The following TBL1XR1 variants were observed in gnomAD, a reference collection of about 807,000 sequenced individuals.
TBL1XR1 encodes TBL1X/Y related 1.
Under a neutral mutation model 66.9 loss-of-function variants are expected in TBL1XR1, and 5 were observed. The ratio of observed to expected loss-of-function variants is 0.07; its 90% CI spans 0.04 to 0.16. The LOEUF is 0.16. Among genes scored for constraint, TBL1XR1 ranks in the 10% least tolerant of loss-of-function variants. TBL1XR1 has a pLI of 1.00. For missense variants in TBL1XR1, 238 were observed against 623.2 expected (o/e 0.38, Z 6.58); for synonymous variants, 210 against 206.0 (o/e 1.02, Z -0.17).
chr3:177,135,385 A>ATATG (rs1728874433), intron 1 of TBL1XR1, among the ~76,000 whole-genome samples: 1 of 80,386 alleles, frequency 1.2e-5, no homozygotes, highest in Admixed American at 1.4e-4. Context: ...ATATATATGT[A>ATATG]TGTATTTTTT....
chr3:177,033,665 T>A (rs1560099331), intron 13 of TBL1XR1, among the ~76,000 whole-genome samples: 1 of 152,102 alleles, frequency 6.6e-6, no homozygotes, highest in Non-Finnish European at 1.5e-5. Context: ...AAGATTCCCC[T>A]TAAGGAACCG....
chr3:177,068,720 T>C (rs1190208007), intron 2 of TBL1XR1, among the ~76,000 whole-genome samples: 1 of 152,190 alleles, frequency 6.6e-6, no homozygotes, highest in South Asian at 2.1e-4. Context: ...TCTTTTCTGA[T>C]TCCATTCTTG....
intron 1 of TBL1XR1, among the ~76,000 whole-genome samples, chr3:177,100,280 A>T (rs1337207748): frequency 1.3e-5 from 2 of 152,174 alleles, no homozygotes; most frequent in Non-Finnish European, 2.9e-5. Flanking sequence ...AAGATAGATA[A>T]ATTATTTATT....
chr3:177,031,361 G>A (rs540071796), intron 14 of TBL1XR1, among the ~76,000 whole-genome samples: 1 of 150,748 alleles, frequency 6.6e-6, no homozygotes, highest in African/African-American at 2.4e-5. Flanking sequence ...TTGAGACAGG[G>A]TCTCACTCTG....
At chr3:177,068,018 A>G (rs1719396028) in intron 2 of TBL1XR1, among the ~76,000 whole-genome samples, 1 of 152,242 alleles carries the variant, frequency 6.6e-6, no homozygotes, top group Non-Finnish European at 1.5e-5. Context: ...ACTAGGTCAC[A>G]AAACAGCACT....
intron 2 of TBL1XR1, among the ~76,000 whole-genome samples, chr3:177,088,835 C>T (rs575296189): frequency 2.0e-5 from 3 of 152,288 alleles, no homozygotes; most frequent in South Asian, 2.1e-4. Context: ...ATGGTTCACA[C>T]AATATCATGC....
chr3:177,136,134 G>A (rs1326929407), intron 1 of TBL1XR1: 2 of 151,936 alleles, frequency 1.3e-5, no homozygotes, highest in Non-Finnish European at 2.9e-5. Flanking sequence ...TTTAATACGA[G>A]TGCATCACAT....
chr3:177,109,808 A>C (rs1577194549), intron 1 of TBL1XR1, among the ~76,000 whole-genome samples: 1 of 152,116 alleles, frequency 6.6e-6, no homozygotes. Flanking sequence ...CTGGGTTGCA[A>C]TATTAAAGTA....
At chr3:177,147,530 G>A (rs867746972) in intron 1 of TBL1XR1, among the ~76,000 whole-genome samples, 2 of 152,084 alleles carry the variant, frequency 1.3e-5, no homozygotes, top group Non-Finnish European at 2.9e-5. Flanking sequence ...ACTCTGAAAG[G>A]GTCTTGGGTT....
intron 1 of TBL1XR1, among the ~76,000 whole-genome samples, chr3:177,144,991 C>T (rs1463373807): frequency 6.6e-6 from 1 of 152,196 alleles, no homozygotes; most frequent in Non-Finnish European, 1.5e-5. Flanking sequence ...CTGCAGACTG[C>T]AGTTTGCCAA....
intron 1 of TBL1XR1, among the ~76,000 whole-genome samples, chr3:177,100,029 G>A (rs1723996591): frequency 6.6e-6 from 1 of 152,196 alleles, no homozygotes; most frequent in South Asian, 2.1e-4. Flanking sequence ...CTTGAGCTCA[G>A]GAGTTCGAGA....
intron 2 of TBL1XR1, among the ~76,000 whole-genome samples, chr3:177,077,527 T>C (rs571032130): frequency 1.3e-5 from 2 of 152,358 alleles, no homozygotes; most frequent in South Asian, 2.1e-4. Flanking sequence ...CACGTCTCTC[T>C]TTCTACAGTA....
chr3:177,129,289 G>A (rs1015585293), intron 1 of TBL1XR1, among the ~76,000 whole-genome samples: 9 of 152,074 alleles, frequency 5.9e-5, no homozygotes, highest in Non-Finnish European at 8.8e-5. Context: ...CATGTAACGA[G>A]ATCCAGAAGA....
chr3:177,038,525 A>G (rs1322676708), intron 10 of TBL1XR1, 91 bp from the exon 11 acceptor site: 2 of 1,250,952 alleles, frequency 1.6e-6, no homozygotes, highest in African/African-American at 3.0e-5. Flanking sequence ...CTAATAAAAT[A>G]TACTAACAGG....
At chr3:177,051,455 A>T in intron 5 of TBL1XR1, 49 bp downstream of exon 5, 1 of 1,508,254 alleles carries the variant, frequency 6.6e-7, no homozygotes, top group Non-Finnish European at 8.9e-7. Flanking sequence ...GTTTAAAAAA[A>T]TAAATAAATA....
intron 2 of TBL1XR1, among the ~76,000 whole-genome samples, chr3:177,082,029 G>T (rs893325552): frequency 2.0e-5 from 3 of 152,068 alleles, no homozygotes; most frequent in Non-Finnish European, 4.4e-5. Flanking sequence ...CTATCTGGAA[G>T]GCATGAACAC....
chr3:177,191,248 A>G (rs1736106627), intron 1 of TBL1XR1, among the ~76,000 whole-genome samples: 1 of 152,218 alleles, frequency 6.6e-6, no homozygotes, highest in Non-Finnish European at 1.5e-5. Context: ...GGAACTGACA[A>G]GATGAAACCA....
At chr3:177,065,124 C>A (rs983164380) in intron 2 of TBL1XR1, 102 bp from the exon 3 acceptor site, 2 of 761,832 alleles carry the variant, frequency 2.6e-6, no homozygotes, top group Non-Finnish European at 3.8e-6. Context: ...TGATGTAAAA[C>A]GAAGGTTCTA....
intron 2 of TBL1XR1, among the ~76,000 whole-genome samples, chr3:177,079,070 A>G (rs1386820005): frequency 6.6e-6 from 1 of 152,170 alleles, no homozygotes; most frequent in Non-Finnish European, 1.5e-5. Context: ...CATTCGTAGC[A>G]TAGGCTATTT....
Sources: allele counts gnomAD v4.1 joint callset (sites outside exome capture counted in the v4.1 genomes callset), GRCh38; gene constraint gnomAD v4.1.1; transcripts MANE v1.5; gene names NCBI Gene and HGNC (gene_info 2026-07-23, HGNC 2026-07-21).